Variants in PLCD4 observed in about 807,000 individuals in gnomAD.
The protein encoded by PLCD4 is 1-phosphatidylinositol 4,5-bisphosphate phosphodiesterase delta-4.
In PLCD4, 63 loss-of-function variants were observed where a neutral mutation model predicts 90.2. The ratio of observed to expected loss-of-function variants is 0.70; its 90% CI spans 0.57 to 0.86. The LOEUF is 0.86. Ranked by LOEUF, PLCD4 falls within the 40% of genes least tolerant of loss-of-function variation. The pLI, the probability that PLCD4 is intolerant of heterozygous loss-of-function variation, is 0.00. For missense variants in PLCD4, 830 were observed against 956.3 expected (o/e 0.87, Z 1.74); for synonymous variants, 294 against 356.5 (o/e 0.82, Z 1.97).
At chr2:218,618,036 G>A (rs181534609) in intron 3 of PLCD4, among the ~76,000 whole-genome samples, 42 of 152,202 alleles carry the variant, frequency 2.8e-4, no homozygotes, top group Admixed American at 2.7e-3. Flanking sequence ...GCAGTGAGCC[G>A]AGATCGCGCC....
At chr2:218,625,371 T>TA (rs1230959426) in intron 6 of PLCD4, among the ~76,000 whole-genome samples, 5 of 152,116 alleles carry the variant, frequency 3.3e-5, no homozygotes, top group Admixed American at 1.3e-4. Context: ...AAACATCAGT[T>TA]ACATTTGTTT....
chr2:218,623,871 T>C (rs1695993328), intron 6 of PLCD4, among the ~76,000 whole-genome samples: 1 of 152,122 alleles, frequency 6.6e-6, no homozygotes, highest in South Asian at 2.1e-4. Flanking sequence ...TAGTAGAGGA[T>C]GGGGTTTCAC....
At chr2:218,633,122 G>A (rs2106161547) in intron 10 of PLCD4, 2 of 462,556 alleles carry the variant, frequency 4.3e-6, no homozygotes, top group African/African-American at 2.0e-5. Context: ...ATTACTCTGG[G>A]ACTCTCACAT....
At position 218,622,777 on chromosome 2, in the gene PLCD4, TGC is replaced by T. The variant is rs1019513286; in HGVS notation, c.672_673del (p.Leu225GlyfsTer18). The T allele has an allele frequency of 6.2e-7, 1 of 1,614,020 alleles. No homozygotes were observed. The highest frequency in any genetic ancestry group is 1.7e-5 in the Admixed American group (1 of 60,016). On this transcript the variant is annotated frameshift_variant, in exon 6 of 16. Coordinates refer to ENST00000450993, the MANE Select transcript of PLCD4 (RefSeq NM_032726.4). LOFTEE classifies it high-confidence loss of function. ...TCAGCTGATGGGCAGAAGCTGACTC[TGC>T]TGGAATTTTTGGATTTCCTCCAAGA... is the stretch of plus-strand genomic sequence containing the variant.
At position 218,621,504 on chromosome 2, in the gene PLCD4, A is replaced by C. The variant is rs1386570548; in HGVS notation, c.445A>C (p.Asn149His). The change falls in exon 5 of 16, where the codon AAT (asparagine) becomes CAT (histidine). Residue 149 changes from asparagine to histidine, a missense_variant. Transcript: ENST00000450993. ...CGATTGGTTTCAACGTGGAGACAAAAATCAGGATGGTAAGATGAGTTTCCA... is the reference window on the plus strand; with the variant it reads ...CGATTGGTTTCAACGTGGAGACAAACATCAGGATGGTAAGATGAGTTTCCA... ...LSDWFQRGDK[N>H]QDGKMSFQEV... 6.2e-7 allele frequency: 1 copy of C among 1,614,018 alleles called. No homozygotes were observed. Among genetic ancestry groups the C allele is most frequent in the East Asian group, 2.2e-5 (1 of 44,888 alleles).
In PLCD4 at chr2:218,634,474, G is replaced by T; in HGVS notation, c.1740G>T (p.Gln580His). Residue 580 changes from glutamine to histidine, a missense_variant, in exon 13 of 16, where the codon CAG becomes CAT. By Grantham distance (24) the Gln-to-His change is conservative. Transcript: ENST00000450993. This position sits in a 1 kb window ranked among gnomAD's most constrained non-coding sequence, Gnocchi z 4.0. ...AGCQMVAMNM[Q>H]TAGLEMDICD... ...GGCCCTCAGTGGCCATGAATATGCA[G>T]ACTGCAGGGCTTGAAATGGACATCT... 6.2e-7 allele frequency: 1 copy of T among 1,613,476 alleles called. No homozygotes were observed. The highest frequency in any genetic ancestry group is 1.1e-5 in the South Asian group (1 of 90,992).
intron 3 of PLCD4, among the ~76,000 whole-genome samples, chr2:218,617,199 C>G (rs1208765006): frequency 6.8e-6 from 1 of 146,662 alleles, no homozygotes; most frequent in Admixed American, 6.7e-5. Flanking sequence ...CTCCTGACCC[C>G]GTGATCCGCC....
chr2:218,632,907 AT>A (rs1696465543), intron 10 of PLCD4, among the ~76,000 whole-genome samples: 3 of 152,196 alleles, frequency 2.0e-5, no homozygotes, highest in South Asian at 2.1e-4. Context: ...CCATCTCCCT[AT>A]GGGGAAGGGA....
chr2:218,637,126 C>A lies in PLCD4; in HGVS notation c.*549C>A, dbSNP rs1696811685. 3.1e-6 allele frequency: 1 copy of A among 323,682 alleles called. No homozygotes were observed. The highest frequency in any genetic ancestry group is 6.1e-6 in the Non-Finnish European group (1 of 164,308). 20.1% of individuals were successfully genotyped at this position (323,682 alleles called of 1,614,324 possible). A position where few individuals can be genotyped will look rare whatever the true frequency, so the allele number is the denominator to read the frequency against. On this transcript the variant is annotated 3_prime_UTR_variant, in exon 16 of 16. Transcript: ENST00000450993. ...ACTGCACAGCACTCAAAGTCCCCCA[C>A]TGGACTGCTTCCTCCTTAGCCCCAC...
rs1222190835 is a variant in PLCD4 at position 218,615,964 on chromosome 2, G to A, written c.83G>A (p.Arg28Lys). The change falls in exon 3 of 16, where the codon AGG becomes AAG. Residue 28 changes from arginine to lysine, a missense_variant. Physicochemically the swap from Arg to Lys is conservative, Grantham distance 26 (BLOSUM62 2). Coordinates refer to ENST00000450993, the MANE Select transcript of PLCD4 (RefSeq NM_032726.4). ...MQEGMPMRKV[R>K]SKSWKKLRYF... ...GAAGGCATGCCGATGCGCAAGGTGA[G>A]GTCCAAAAGCTGGAAGAAGCTAAGA... The A allele has an allele frequency of 5.0e-6, 8 of 1,614,016 alleles. No homozygotes were observed. The highest frequency in any genetic ancestry group is 6.8e-6 in the Non-Finnish European group (8 of 1,179,898).
intron 6 of PLCD4, among the ~76,000 whole-genome samples, chr2:218,627,262 AAAAT>A (rs1230705751): frequency 6.6e-6 from 1 of 151,594 alleles, no homozygotes. Context: ...CTCTGTCTCA[AAAAT>A]AAATAAATAA....
chr2:218,636,384 T>A lies in PLCD4; in HGVS notation c.2174T>A (p.Met725Lys). 2 of 1,614,024 alleles carry A rather than the reference T, an allele frequency of 1.2e-6. No homozygotes were observed. Among genetic ancestry groups the A allele is most frequent in the Non-Finnish European group, 1.7e-6 (2 of 1,179,892 alleles). ...IGQYTLPWTC[M>K]QQGYRHIHLL... ...CAGTACACCCTGCCTTGGACCTGCA[T>A]GCAACAAGGTGAGCCAGCCCCTTTG... Residue 725 changes from methionine (M) to lysine (K), a missense_variant, in exon 15 of 16, where the codon ATG becomes AAG. Physicochemically the swap from Met to Lys is moderately conservative, Grantham distance 95 (BLOSUM62 -1). Transcript: ENST00000450993.
At position 218,634,287 on chromosome 2, in the gene PLCD4, G is replaced by C; in HGVS notation, c.1723+66G>C. 1 of 1,574,844 alleles carries C rather than the reference G, an allele frequency of 6.3e-7. No homozygotes were observed. Among genetic ancestry groups the C allele is most frequent in the Non-Finnish European group, 8.6e-7 (1 of 1,160,156 alleles). On this transcript the variant is annotated intron_variant, in intron 12 of 15. Coordinates refer to ENST00000450993, the MANE Select transcript of PLCD4 (RefSeq NM_032726.4). This position sits in a 1 kb window ranked among gnomAD's most constrained non-coding sequence, Gnocchi z 4.0. ...CAGCAGGTGGGAAATAAGTTCTCTAGTGATGGTAGGGTTGGGGAATGCTCA... is the reference window on the plus strand; with the variant it reads ...CAGCAGGTGGGAAATAAGTTCTCTACTGATGGTAGGGTTGGGGAATGCTCA...
At chr2:218,611,285 T>C (rs748238775) in intron 1 of PLCD4, among the ~76,000 whole-genome samples, 4 of 152,028 alleles carry the variant, frequency 2.6e-5, no homozygotes, top group Non-Finnish European at 5.9e-5. Flanking sequence ...GTTAGAAGAA[T>C]TGGACAAAGG....
Position 218,634,741 on chromosome 2 carries a change from G to C in PLCD4, c.1896+111G>C, listed in dbSNP as rs1696613672. On this transcript the variant is annotated intron_variant, in intron 13 of 15. Coordinates refer to ENST00000450993, the MANE Select transcript of PLCD4 (RefSeq NM_032726.4). This position sits in a 1 kb window ranked among gnomAD's most constrained non-coding sequence, Gnocchi z 4.0. The stretch of plus-strand genomic sequence containing the variant: ...AGAGGCCGGATAGCCTATTAACAGT[G>C]TCTAGTTTTAGCTTTTGGAGCCAGC... 3.9e-6 allele frequency: 5 copies of C among 1,297,696 alleles called. No individual in the cohort carries two copies. The highest frequency in any genetic ancestry group is 4.6e-5 in the Admixed American group (2 of 43,350). The allele number at this position is 1,297,696 out of a possible 1,614,324, so 80.4% of individuals were successfully genotyped here.
chr2:218,623,914 C>T (rs1156544912), intron 6 of PLCD4, among the ~76,000 whole-genome samples: 2 of 152,160 alleles, frequency 1.3e-5, no homozygotes, highest in Admixed American at 6.5e-5. Context: ...AACTCCCGAC[C>T]TCAGGTGATC....
At chr2:218,608,776 C>G (rs572457891) in intron 1 of PLCD4, among the ~76,000 whole-genome samples, 1 of 152,178 alleles carries the variant, frequency 6.6e-6, no homozygotes, top group Admixed American at 6.5e-5. Context: ...TTGGGTAGGG[C>G]TAAGGATCTC....
intron 1 of PLCD4, among the ~76,000 whole-genome samples, chr2:218,611,004 A>T (rs1575009839): frequency 6.6e-6 from 1 of 152,186 alleles, no homozygotes; most frequent in Admixed American, 6.5e-5. Context: ...CTGGGATTAC[A>T]GATGTGAGCT....
intron 9 of PLCD4, among the ~76,000 whole-genome samples, chr2:218,631,787 G>A (rs184744632): frequency 2.1e-5 from 3 of 142,100 alleles, no homozygotes; most frequent in South Asian, 2.2e-4. Flanking sequence ...GCGAGACTCC[G>A]TCTCAAAAAA....
Sources: allele counts gnomAD v4.1 joint callset (sites outside exome capture counted in the v4.1 genomes callset), GRCh38; gene constraint gnomAD v4.1.1; non-coding constraint Gnocchi (gnomAD v3.1); transcripts MANE v1.5; gene names NCBI Gene and HGNC (gene_info 2026-07-23, HGNC 2026-07-21).